Variants in ROBO2 observed in about 807,000 individuals in gnomAD.
The protein encoded by ROBO2 is roundabout homolog 2.
A neutral mutation model predicts 160.8 loss-of-function variants in ROBO2; 53 were observed. That is an observed-to-expected ratio of 0.33 (90% CI 0.26 to 0.41). The LOEUF is 0.41. ROBO2 is among the 10% of genes least tolerant of loss of function. The probability of loss-of-function intolerance (pLI) is 1.00; values close to 1 mark genes in which losing one functional copy is unlikely to be tolerated. For synonymous variants in ROBO2, 664 were observed against 611.7 expected (o/e 1.09, Z -1.26); for missense variants, 1,577 against 1,722.4 (o/e 0.92, Z 1.49).
chr3:77,633,419 A>T (rs554253001), intron 23 of ROBO2: 2 of 152,308 alleles, frequency 1.3e-5, no homozygotes, highest in Non-Finnish European at 2.9e-5. Flanking sequence ...TTTTGCAACA[A>T]AATAACTTAG....
intron 2 of ROBO2, among the ~76,000 whole-genome samples, chr3:76,592,015 A>G (rs1016761750): frequency 1.3e-5 from 2 of 152,034 alleles, no homozygotes; most frequent in Non-Finnish European, 2.9e-5. Context: ...ATAAGTTAAG[A>G]GCTTAGGAAA....
chr3:76,124,154 C>CA (rs906522415), intron 2 of ROBO2, among the ~76,000 whole-genome samples: 5 of 151,998 alleles, frequency 3.3e-5, no homozygotes, highest in African/African-American at 9.7e-5. Context: ...TCTTGAATTA[C>CA]AAAAAATTAC....
intron 2 of ROBO2, among the ~76,000 whole-genome samples, chr3:76,307,761 G>A (rs572296275): frequency 6.6e-6 from 1 of 152,170 alleles, no homozygotes; most frequent in South Asian, 2.1e-4. Flanking sequence ...CATTGGCTAA[G>A]TAGCAATATG....
chr3:76,236,178 T>C (rs1187830541), intron 2 of ROBO2, among the ~76,000 whole-genome samples: 1 of 152,110 alleles, frequency 6.6e-6, no homozygotes, highest in Non-Finnish European at 1.5e-5. Context: ...TTTAATTTTC[T>C]ATTTATATAA....
chr3:76,896,950 G>A (rs548090612), intron 2 of ROBO2, among the ~76,000 whole-genome samples: 30 of 152,258 alleles, frequency 2.0e-4, no homozygotes, highest in African/African-American at 7.0e-4. Flanking sequence ...ATTGATGGGA[G>A]GCAGTGGAGA....
At chr3:76,329,901 G>T (rs2073351993) in intron 2 of ROBO2, among the ~76,000 whole-genome samples, 2 of 152,132 alleles carry the variant, frequency 1.3e-5, no homozygotes. Flanking sequence ...TTGATACTTA[G>T]TCGTCTTTGA....
chr3:76,597,506 T>TA (rs1478177322), intron 2 of ROBO2, among the ~76,000 whole-genome samples: 1 of 152,028 alleles, frequency 6.6e-6, no homozygotes, highest in African/African-American at 2.4e-5. Context: ...AAGGAAAAGA[T>TA]ATTCAACATC....
intron 2 of ROBO2, among the ~76,000 whole-genome samples, chr3:76,678,072 G>T (rs2092459775): frequency 1.4e-5 from 2 of 140,022 alleles, no homozygotes; most frequent in Admixed American, 7.9e-5. Context: ...CCAGGTTCAA[G>T]CGATTCTCCT....
chr3:76,522,367 G>A (rs566578207), intron 2 of ROBO2, among the ~76,000 whole-genome samples: 91 of 151,744 alleles, frequency 6.0e-4, no homozygotes, highest in Non-Finnish European at 9.9e-4. Flanking sequence ...CTCCAACTGT[G>A]TGCCCATGTG....
intron 2 of ROBO2, among the ~76,000 whole-genome samples, chr3:77,404,023 C>T (rs937357936): frequency 6.6e-6 from 1 of 151,998 alleles, no homozygotes; most frequent in African/African-American, 2.4e-5. Context: ...TAAAGGTACA[C>T]AAATACCATA....
intron 2 of ROBO2, among the ~76,000 whole-genome samples, chr3:76,059,854 A>G (rs2068006743): frequency 1.3e-5 from 2 of 152,160 alleles, no homozygotes; most frequent in Non-Finnish European, 2.9e-5. Flanking sequence ...ATCCAGTTTC[A>G]GCTTTCTACA....
intron 2 of ROBO2, among the ~76,000 whole-genome samples, chr3:76,115,793 A>G (rs2108262447): frequency 6.6e-6 from 1 of 152,210 alleles, no homozygotes. Context: ...CCATATGGAC[A>G]TCTTTCTGTA....
chr3:76,469,671 C>T (rs1262640284), intron 2 of ROBO2, among the ~76,000 whole-genome samples: 1 of 152,168 alleles, frequency 6.6e-6, no homozygotes, highest in East Asian at 1.9e-4. Flanking sequence ...ACTATTCCCA[C>T]TGGTTCAGTT....
intron 2 of ROBO2, among the ~76,000 whole-genome samples, chr3:76,701,113 A>G (rs1215323820): frequency 6.6e-6 from 1 of 152,052 alleles, no homozygotes; most frequent in Non-Finnish European, 1.5e-5. Flanking sequence ...ACCAAAGAAT[A>G]AAAAATGCCC....
At chr3:76,738,839 TG>T (rs886860824) in intron 2 of ROBO2, among the ~76,000 whole-genome samples, 7 of 80,018 alleles carry the variant, frequency 8.7e-5, no homozygotes, top group African/African-American at 4.7e-4. Flanking sequence ...TTCTCTTGAT[TG>T]TTTTTTTTTC....
intron 2 of ROBO2, among the ~76,000 whole-genome samples, chr3:76,812,563 A>G (rs2065284181): frequency 6.6e-6 from 1 of 152,056 alleles, no homozygotes; most frequent in Admixed American, 6.6e-5. Flanking sequence ...CATCTATGGT[A>G]TTTTTCTACC....
chr3:77,155,052 A>G (rs2077881716), intron 2 of ROBO2, among the ~76,000 whole-genome samples: 1 of 151,318 alleles, frequency 6.6e-6, no homozygotes, highest in African/African-American at 2.4e-5. Context: ...TAAATTTGGG[A>G]AAATAAATAA....
chr3:76,999,519 A>G (rs991065219), intron 2 of ROBO2, among the ~76,000 whole-genome samples: 1 of 152,168 alleles, frequency 6.6e-6, no homozygotes, highest in African/African-American at 2.4e-5. Flanking sequence ...TCCTTGTTAA[A>G]ATAACATTAC....
chr3:75,965,279 A>G (rs1186306964), intron 2 of ROBO2, among the ~76,000 whole-genome samples: 1 of 151,814 alleles, frequency 6.6e-6, no homozygotes, highest in Non-Finnish European at 1.5e-5. Flanking sequence ...TCTGTGTTGC[A>G]GATATGGATA....
Sources: gnomAD v4.1 joint callset for allele counts (sites outside exome capture counted in the v4.1 genomes callset) on GRCh38, gnomAD v4.1.1 for gene constraint, MANE v1.5 for transcripts, NCBI Gene and HGNC (gene_info 2026-07-23, HGNC 2026-07-21) for gene names.